The following MCM9 variants were observed in gnomAD, a reference collection of about 807,000 sequenced individuals.
MCM9 encodes the protein DNA helicase MCM9.
MCM9 carries 55 observed loss-of-function variants against 72.8 expected under a neutral mutation model. The observed-to-expected ratio is 0.76, with a 90% CI of 0.61 to 0.95. The LOEUF is 0.95. MCM9 is among the 40% of genes least tolerant of loss of function. MCM9 has a pLI of 0.00. For synonymous variants in MCM9, 480 were observed against 503.4 expected (o/e 0.95, Z 0.62); for missense variants, 1,279 against 1,377.0 (o/e 0.93, Z 1.13).
At chr6:118,934,617 C>T (rs1031360558) in intron 1 of MCM9, 3 of 152,128 alleles carry the variant, frequency 2.0e-5, no homozygotes, top group African/African-American at 7.2e-5. Flanking sequence ...GCCTCCGGGC[C>T]GCTCGGCTGC....
intron 5 of MCM9, chr6:118,921,012 A>G (rs1460671436): frequency 6.6e-6 from 1 of 152,234 alleles, no homozygotes; most frequent in Non-Finnish European, 1.5e-5. Context: ...CAGTCTGGTT[A>G]GCCTAAAGAG....
Position 118,815,930 on chromosome 6 carries a change from T to C in MCM9, c.2326A>G (p.Ile776Val). ...KTSGENMASK[I>V]SNSTSQGKEK... is the part of the protein sequence containing the mutation. ...TTACCCTGAGATGTGCTGTTAGAGA[T>C]CTTCGAAGCCATATTTTCTCCAGAT... Residue 776 changes from isoleucine (I) to valine (V), a missense_variant, in exon 14 of 14, where the codon ATC becomes GTC. By Grantham distance (29) the Ile-to-Val change is conservative. Transcript: ENST00000619706. The C allele has an allele frequency of 6.5e-7, 1 of 1,549,138 alleles. No homozygotes were observed. Among genetic ancestry groups the C allele is most frequent in the Non-Finnish European group, 8.7e-7 (1 of 1,146,958 alleles).
chr6:118,839,734 TG>T (rs1562405422), intron 9 of MCM9, among the ~76,000 whole-genome samples: 2 of 152,204 alleles, frequency 1.3e-5, no homozygotes, highest in Non-Finnish European at 2.9e-5. Flanking sequence ...CCTGTTTGCC[TG>T]GGTATCACCA....
chr6:118,819,419 C>T lies in MCM9; in HGVS notation c.1962-3125G>A, dbSNP rs138310735. The stretch of plus-strand genomic sequence containing the variant: ...CTGGTTCTGTTTATGTGATGGATTA[C>T]GTTTGTTGATTTGTGTATGTTGAAC... On this transcript the variant is annotated intron_variant, in intron 13 of 13. Coordinates refer to ENST00000619706, the MANE Select transcript of MCM9 (RefSeq NM_017696.3). 8.0e-3 allele frequency among the ~76,000 whole-genome samples: 1,212 copies of T among 152,198 alleles called. 8 individuals carry two copies. Among genetic ancestry groups the T allele is most frequent in the Non-Finnish European group, 0.013 (904 of 68,006 alleles).
intron 8 of MCM9, among the ~76,000 whole-genome samples, chr6:118,893,307 T>C (rs1004132483): frequency 6.6e-6 from 1 of 152,200 alleles, no homozygotes; most frequent in Non-Finnish European, 1.5e-5. Flanking sequence ...TCTTGCTATG[T>C]CTTTGTGTTC....
intron 10 of MCM9, among the ~76,000 whole-genome samples, chr6:118,828,468 C>A (rs1160347634): frequency 6.6e-6 from 1 of 152,064 alleles, no homozygotes; most frequent in Non-Finnish European, 1.5e-5. Flanking sequence ...TCACTGCAAC[C>A]TCTACCTCCT....
At chr6:118,861,125 T>C (rs36195936) in intron 8 of MCM9, among the ~76,000 whole-genome samples, 122,607 of 152,156 alleles carry the variant, frequency 0.81, 49,859 homozygotes, top group South Asian at 0.92. Context: ...ATGCCAGCTG[T>C]GGTGGAGCGG....
Position 118,900,476 on chromosome 6 carries a change from A to T in MCM9, c.1150+11174T>A, listed in dbSNP as rs193111576. Among the ~76,000 whole-genome samples the T allele has an allele frequency of 1.7e-3, 256 of 152,360 alleles. 1 individual carries two copies. Among genetic ancestry groups the T allele is most frequent in the Middle Eastern group, 3.4e-3 (1 of 294 alleles). Reference sequence around the variant, plus strand: ...ACTTACTGTGCCAGCATGCTTTATGAATCCTCAAGACAAGGTTTACAGCAT... The same window carrying T: ...ACTTACTGTGCCAGCATGCTTTATGTATCCTCAAGACAAGGTTTACAGCAT... On this transcript the variant is annotated intron_variant, in intron 8 of 13. Coordinates refer to ENST00000619706, the MANE Select transcript of MCM9 (RefSeq NM_017696.3).
At chr6:118,847,354 G>A (rs1775933145) in intron 9 of MCM9, among the ~76,000 whole-genome samples, 1 of 150,562 alleles carries the variant, frequency 6.6e-6, no homozygotes, top group African/African-American at 2.5e-5. Context: ...TTCACTATTT[G>A]GGCGATGGGC....
chr6:118,907,002 G>C (rs1327143767), intron 8 of MCM9, among the ~76,000 whole-genome samples: 1 of 152,140 alleles, frequency 6.6e-6, no homozygotes, highest in African/African-American at 2.4e-5. Flanking sequence ...TTAATAATAA[G>C]TTGTATTTGA....
chr6:118,924,558 G>A (rs1781720105), intron 3 of MCM9, among the ~76,000 whole-genome samples: 1 of 152,176 alleles, frequency 6.6e-6, no homozygotes, highest in Non-Finnish European at 1.5e-5. Flanking sequence ...CCGATAAAGA[G>A]ATGGTAGCAT....
At chr6:118,932,890 A>G (rs1231125808) in intron 1 of MCM9, 150 bp from the exon 2 acceptor site, 1 of 152,284 alleles carries the variant, frequency 6.6e-6, no homozygotes, top group Non-Finnish European at 1.5e-5. Flanking sequence ...GTATGTATCT[A>G]CAGATAAAAA....
intron 9 of MCM9, among the ~76,000 whole-genome samples, chr6:118,843,690 A>ATATATATATATGTATGTATATATATATG (rs1562407224): frequency 0.015 from 443 of 29,876 alleles, 10 homozygotes; most frequent in South Asian, 0.069. Flanking sequence ...ATATATGTGT[A>ATATATATATATGTATGTATATATATATG]TATATATATA....
chr6:118,878,096 A>T (rs1370286507), intron 8 of MCM9, among the ~76,000 whole-genome samples: 1 of 152,206 alleles, frequency 6.6e-6, no homozygotes, highest in Non-Finnish European at 1.5e-5. Flanking sequence ...CAGGAGTTCC[A>T]GGCTGCAGTG....
chr6:118,922,133 T>G, intron 4 of MCM9, 47 bp from the exon 5 acceptor site: 2 of 1,428,144 alleles, frequency 1.4e-6, no homozygotes, highest in Non-Finnish European at 1.9e-6. Context: ...AAATACATGT[T>G]AAGTATCCAG....
At chr6:118,834,933 C>T (rs1428888923) in intron 9 of MCM9, among the ~76,000 whole-genome samples, 1 of 152,176 alleles carries the variant, frequency 6.6e-6, no homozygotes, top group Admixed American at 6.5e-5. Context: ...TTGCCCATCC[C>T]TATGTCCTGA....
intron 8 of MCM9, chr6:118,907,464 T>C: frequency 6.2e-7 from 1 of 1,613,064 alleles, no homozygotes; most frequent in East Asian, 2.2e-5. Flanking sequence ...ATTGGGAAGA[T>C]AACACAGAAA....
At chr6:118,934,185 T>C (rs1273424380) in intron 1 of MCM9, among the ~76,000 whole-genome samples, 1 of 152,194 alleles carries the variant, frequency 6.6e-6, no homozygotes, top group Non-Finnish European at 1.5e-5. Flanking sequence ...TGGACCATCG[T>C]TATTCATTCC....
At chr6:118,824,769 G>A (rs1034495130) in intron 13 of MCM9, among the ~76,000 whole-genome samples, 1 of 152,174 alleles carries the variant, frequency 6.6e-6, no homozygotes, top group African/African-American at 2.4e-5. Flanking sequence ...TCATATGCTG[G>A]TTGGGTTTTT....
Sources: allele counts gnomAD v4.1 joint callset (sites outside exome capture counted in the v4.1 genomes callset), GRCh38; gene constraint gnomAD v4.1.1; transcripts MANE v1.5; gene names NCBI Gene and HGNC (gene_info 2026-07-23, HGNC 2026-07-21).